ABI2: variants seen among roughly 807,000 people sequenced by gnomAD.
ABI2 encodes the protein abelson interactor 2.
Under a neutral mutation model 59.2 loss-of-function variants are expected in ABI2, and 25 were observed. The observed-to-expected ratio is 0.42, with a 90% CI of 0.31 to 0.59. ABI2 has a LOEUF of 0.59. Ranked by LOEUF, ABI2 falls within the 20% of genes least tolerant of loss-of-function variation. The pLI, the probability that ABI2 is intolerant of heterozygous loss-of-function variation, is 0.14. For synonymous variants in ABI2, 213 were observed against 235.5 expected, an observed-to-expected ratio of 0.90 and a Z score of 0.87; for missense variants, 545 against 681.8, an observed-to-expected ratio of 0.80 and a Z score of 2.23.
intron 11 of ABI2, among the ~76,000 whole-genome samples, chr2:203,419,801 C>T (rs191679745): frequency 4.7e-4 from 72 of 152,154 alleles, no homozygotes; most frequent in African/African-American, 1.7e-3. Context: ...CCAGCCTGAC[C>T]AACATGGAGA....
intron 4 of ABI2, among the ~76,000 whole-genome samples, chr2:203,384,317 T>TTG (rs1559289820): frequency 4.7e-5 from 6 of 126,476 alleles, no homozygotes; most frequent in African/African-American, 6.2e-5. Flanking sequence ...TTTTTTTTTT[T>TTG]TTTTTTTGAG....
chr2:203,430,446 C>G lies in ABI2; in HGVS notation c.*3094C>G, dbSNP rs1450414609. On this transcript the variant is annotated 3_prime_UTR_variant, in exon 12 of 12. Transcript: ENST00000261018. ...TGTCTTTTCTTGTCATATTAATACT[C>G]GAAAGTCCATGGTGGTATTAATGAA... The G allele has an allele frequency of 6.6e-6, 1 of 152,066 alleles. No homozygotes were observed. 9.4% of individuals were successfully genotyped at this position (152,066 alleles called of 1,614,324 possible). A position where few individuals can be genotyped will look rare whatever the true frequency, so the allele number is the denominator to read the frequency against.
intron 2 of ABI2, among the ~76,000 whole-genome samples, chr2:203,378,246 G>A (rs1232359113): frequency 6.6e-6 from 1 of 151,944 alleles, no homozygotes; most frequent in Admixed American, 6.6e-5. Flanking sequence ...CCAAGTAGCT[G>A]GGACTACAGG....
rs1170086550 is a variant in ABI2, at chr2:203,431,008, TG to T, written c.*3657del. 3 of 152,248 alleles carry T rather than the reference TG, an allele frequency of 2.0e-5. No individual in the cohort carries two copies. The highest frequency in any genetic ancestry group is 7.2e-5 in the African/African-American group (3 of 41,462). 9.4% of individuals were successfully genotyped at this position (152,248 alleles called of 1,614,324 possible). ...TCTCCTTTGTGGAGACAGCATGACA[TG>T]TCCTGAAGGTCACCTTTGCCTTTGA... On this transcript the variant is annotated 3_prime_UTR_variant, in exon 12 of 12. Coordinates refer to ENST00000261018, the MANE Select transcript of ABI2 (RefSeq NM_001375670.1).
At chr2:203,423,968 A>G (rs898536013) in intron 11 of ABI2, among the ~76,000 whole-genome samples, 1 of 152,228 alleles carries the variant, frequency 6.6e-6, no homozygotes, top group South Asian at 2.1e-4. Context: ...TAGAAGAACA[A>G]TGTGTAAGTC....
At chr2:203,385,298 AT>A (rs1215813422) in intron 4 of ABI2, among the ~76,000 whole-genome samples, 1 of 150,128 alleles carries the variant, frequency 6.7e-6, no homozygotes, top group Non-Finnish European at 1.5e-5. Context: ...CGCCCAGCTA[AT>A]TTTTTGTATT....
chr2:203,400,624 G>A (rs1437254815), intron 8 of ABI2, among the ~76,000 whole-genome samples: 2 of 152,142 alleles, frequency 1.3e-5, no homozygotes, highest in Non-Finnish European at 2.9e-5. Context: ...TTAAGCTTGA[G>A]TGCTTAAGTT....
chr2:203,397,114 C>T (rs764326599), intron 8 of ABI2, 147 bp downstream of exon 8: 403 of 1,152,814 alleles, frequency 3.5e-4, no homozygotes, highest in Non-Finnish European at 4.1e-4. Context: ...AGTATGTGAC[C>T]AAAGATTAGC....
chr2:203,394,960 C>A, intron 6 of ABI2, 114 bp downstream of exon 6: 1 of 1,159,394 alleles, frequency 8.6e-7, no homozygotes, highest in South Asian at 1.3e-5. Context: ...TCACTCTATT[C>A]TCCCAAACCT....
At chr2:203,347,469 A>AT (rs2084404974) in intron 1 of ABI2, among the ~76,000 whole-genome samples, 4 of 152,248 alleles carry the variant, frequency 2.6e-5, no homozygotes, top group African/African-American at 9.6e-5. Flanking sequence ...GAAGAACCGT[A>AT]GCATGTAGTA....
intron 4 of ABI2, among the ~76,000 whole-genome samples, chr2:203,388,862 A>C (rs974864210): frequency 3.9e-5 from 6 of 152,180 alleles, no homozygotes; most frequent in African/African-American, 1.4e-4. Flanking sequence ...AGCTCTTTTC[A>C]AATATTTTAG....
chr2:203,352,841 C>G (rs966238547), intron 1 of ABI2, among the ~76,000 whole-genome samples: 1 of 152,168 alleles, frequency 6.6e-6, no homozygotes, highest in Admixed American at 6.5e-5. Context: ...GGTAAGTGCC[C>G]TATGCAGGTA....
At chr2:203,400,225 T>G (rs1180513087) in intron 8 of ABI2, among the ~76,000 whole-genome samples, 1 of 151,440 alleles carries the variant, frequency 6.6e-6, no homozygotes, top group African/African-American at 2.4e-5. Context: ...GGAGCTGGGA[T>G]TACAAGTGTG....
At chr2:203,365,876 G>A (rs1405911938) in intron 1 of ABI2, among the ~76,000 whole-genome samples, 4 of 151,872 alleles carry the variant, frequency 2.6e-5, no homozygotes, top group South Asian at 2.1e-4. Flanking sequence ...TGATCTGCCC[G>A]CCTCAGCCTC....
chr2:203,361,721 T>A (rs1410655385), intron 1 of ABI2, among the ~76,000 whole-genome samples: 1 of 152,222 alleles, frequency 6.6e-6, no homozygotes, highest in Non-Finnish European at 1.5e-5. Context: ...AACATGACTG[T>A]TCTATGCAAA....
intron 1 of ABI2, among the ~76,000 whole-genome samples, chr2:203,330,041 C>T (rs974525148): frequency 1.3e-5 from 2 of 151,986 alleles, no homozygotes; most frequent in Non-Finnish European, 2.9e-5. Context: ...TTAACATTAG[C>T]TATATAGGAA....
chr2:203,411,396 G>A lies in ABI2; in HGVS notation c.1279+25G>A, dbSNP rs777904024. ...AGTAAGTTTATGTCTTCTTTATGCT[G>A]TAGATCAGATTGTAGGCATAAAATG... On this transcript the variant is annotated intron_variant, in intron 10 of 11. Coordinates refer to ENST00000261018, the MANE Select transcript of ABI2 (RefSeq NM_001375670.1). 11 of 1,565,588 alleles carry A rather than the reference G, an allele frequency of 7.0e-6. No homozygotes were observed. The South Asian group carries it at 1.1e-4, about 16-fold the overall frequency.
At chr2:203,341,112 G>A (rs2079639282) in intron 1 of ABI2, among the ~76,000 whole-genome samples, 1 of 152,136 alleles carries the variant, frequency 6.6e-6, no homozygotes, top group African/African-American at 2.4e-5. Context: ...TCACGTTCTT[G>A]ATGACCCCTT....
At chr2:203,341,343 C>T (rs547579744) in intron 1 of ABI2, among the ~76,000 whole-genome samples, 1 of 152,284 alleles carries the variant, frequency 6.6e-6, no homozygotes, top group South Asian at 2.1e-4. Flanking sequence ...ACAAAATAGG[C>T]ACTCCGTAAA....
Sources: allele counts gnomAD v4.1 joint callset (sites outside exome capture counted in the v4.1 genomes callset), GRCh38; gene constraint gnomAD v4.1.1; transcripts MANE v1.5; gene names NCBI Gene and HGNC (gene_info 2026-07-23, HGNC 2026-07-21).